UAP1: variants seen among roughly 807,000 people sequenced by gnomAD.
The protein encoded by UAP1 is UDP-N-acetylglucosamine pyrophosphorylase 1, also known as UDP-N-acetylhexosamine pyrophosphorylase.
UAP1 carries 25 observed loss-of-function variants against 58.5 expected under a neutral mutation model. The observed-to-expected ratio is 0.43, with a 90% CI of 0.31 to 0.60. UAP1 has a LOEUF of 0.60. Ranked by LOEUF, UAP1 falls within the 20% of genes least tolerant of loss-of-function variation. UAP1 has a pLI of 0.11. For synonymous variants in UAP1, 208 were observed against 213.0 expected, an observed-to-expected ratio of 0.98 and a Z score of 0.21; for missense variants, 575 against 630.0, an observed-to-expected ratio of 0.91 and a Z score of 0.93.
chr1:162,590,582 C>T (rs995127511), intron 8 of UAP1, 71 bp downstream of exon 8: 1 of 1,312,992 alleles, frequency 7.6e-7, no homozygotes, highest in South Asian at 1.6e-5. Context: ...CTCTCTCTCT[C>T]TCTCTCTCTG....
At chr1:162,599,449 A>C in exon 11 of UAP1, 1 of 843,660 alleles carries the variant, frequency 1.2e-6, no homozygotes, top group East Asian at 2.7e-5. Flanking sequence ...GTCTTGGACA[A>C]CTGAAGTTTA....
At chr1:162,582,037 A>G (rs2101792314) in intron 5 of UAP1, among the ~76,000 whole-genome samples, 1 of 152,326 alleles carries the variant, frequency 6.6e-6, no homozygotes, top group East Asian at 1.9e-4. Flanking sequence ...ACACGTTTTT[A>G]GTTGTATAGG....
At chr1:162,585,459 A>C (rs1335889183) in intron 5 of UAP1, among the ~76,000 whole-genome samples, 3 of 151,052 alleles carry the variant, frequency 2.0e-5, no homozygotes, top group African/African-American at 7.3e-5. Flanking sequence ...ATGGGGTTTC[A>C]CCATGTTGGC....
intron 7 of UAP1, among the ~76,000 whole-genome samples, chr1:162,590,055 T>G (rs2101824164): frequency 6.6e-6 from 1 of 150,448 alleles, no homozygotes; most frequent in South Asian, 2.1e-4. Flanking sequence ...CCAGAACAGA[T>G]ACTAATGTGA....
intron 2 of UAP1, among the ~76,000 whole-genome samples, 190 bp downstream of exon 2, chr1:162,566,538 G>A (rs778998927): frequency 6.6e-5 from 10 of 151,816 alleles, no homozygotes; most frequent in African/African-American, 9.7e-5. Context: ...GTCTTAATTT[G>A]CCTCCAGTCT....
chr1:162,587,435 A>C lies in UAP1; in HGVS notation c.835-40A>C, dbSNP rs1367964982. 4 of 1,527,544 alleles carry C rather than the reference A, an allele frequency of 2.6e-6. No homozygotes were observed. The South Asian group carries it at 4.9e-5, about 19-fold the overall frequency. The allele number at this position is 1,527,544 out of a possible 1,614,324, so 94.6% of individuals were successfully genotyped here. A position where few individuals can be genotyped will look rare whatever the true frequency, so the allele number is the denominator to read the frequency against. ...ATGGCAAATCTCCAAAGAAACATTT[A>C]ATTCAATTTCCTCCTCTACTGTTTT... is the stretch of plus-strand genomic sequence containing the variant. On this transcript the variant is annotated intron_variant, in intron 5 of 10. Transcript: ENST00000271469.
intron 1 of UAP1, among the ~76,000 whole-genome samples, chr1:162,562,700 T>A (rs753968638): frequency 1.9e-4 from 29 of 152,198 alleles, no homozygotes; most frequent in Middle Eastern, 3.2e-3. Context: ...AAGGCAGTTG[T>A]CTATTCCTTC....
chr1:162,591,208 AG>A (rs1655291982), intron 8 of UAP1, among the ~76,000 whole-genome samples: 3 of 152,056 alleles, frequency 2.0e-5, no homozygotes, highest in Non-Finnish European at 4.4e-5. Flanking sequence ...TACAGGTGTG[AG>A]CCACTGGGCC....
At chr1:162,600,543 A>G, downstream of UAP1, among the ~76,000 whole-genome samples, 1 of 152,176 alleles carries the variant, frequency 6.6e-6, no homozygotes, top group East Asian at 1.9e-4. Context: ...AAATGATTCT[A>G]AAAATTATAT....
downstream of UAP1, among the ~76,000 whole-genome samples, chr1:162,600,500 A>G (rs1458702171): frequency 1.3e-5 from 2 of 152,204 alleles, no homozygotes; most frequent in African/African-American, 2.4e-5. Context: ...ATATTTAAGT[A>G]TTGACCAAAA....
chr1:162,601,100 C>T (rs1000072010), downstream of UAP1, among the ~76,000 whole-genome samples: 5 of 152,042 alleles, frequency 3.3e-5, no homozygotes, highest in Non-Finnish European at 7.4e-5. Flanking sequence ...ACTCTGAGAG[C>T]CTCTGAGCCA....
chr1:162,563,368 T>A (rs34910227), intron 1 of UAP1, among the ~76,000 whole-genome samples: 5,794 of 152,050 alleles, frequency 0.038, 155 homozygotes, highest in East Asian at 0.11. Flanking sequence ...TTTTTTTTTT[T>A]ATTTTTATTT....
intron 2 of UAP1, among the ~76,000 whole-genome samples, chr1:162,573,621 T>C (rs996736796): frequency 7.9e-5 from 12 of 152,034 alleles, no homozygotes; most frequent in African/African-American, 2.7e-4. Flanking sequence ...ATATCAAAGG[T>C]GAAAATTATG....
Position 162,590,531 on chromosome 1 carries a change from C to T in UAP1, c.1358+20C>T, listed in dbSNP as rs754445981. The T allele has an allele frequency of 2.5e-6, 4 of 1,575,460 alleles. No individual in the cohort carries two copies. Among genetic ancestry groups the T allele is most frequent in the Non-Finnish European group, 2.6e-6 (3 of 1,160,014 alleles). ...TCCCCGGTAAGTCAGTATCTTTTCT[C>T]TTTTGTATGAATCCTTTCTTGGACT... On this transcript the variant is annotated intron_variant, in intron 8 of 10. Transcript: ENST00000271469.
chr1:162,573,269 T>TA lies in UAP1; in HGVS notation c.281-3498dup, dbSNP rs201954920. Among the ~76,000 whole-genome samples, 11 of 146,908 alleles carry TA rather than the reference T, an allele frequency of 7.5e-5. No homozygotes were observed. The South Asian group carries it at 1.3e-3, about 17-fold the overall frequency. ...ATTTAGGATGGTGGGTAAGACAGAC[T>TA]AAAAAAAAAAGGCAGCACAACCTCT... On this transcript the variant is annotated intron_variant, in intron 2 of 10. Coordinates refer to ENST00000271469, the Ensembl canonical transcript of UAP1.
At position 162,581,191 on chromosome 1, in the gene UAP1, G is replaced by T. The variant is rs1654564941; in HGVS notation, c.662-96G>T. The T allele has an allele frequency of 3.6e-6, 5 of 1,395,672 alleles. No homozygotes were observed. The African/African-American group carries it at 5.7e-5, about 16-fold the overall frequency. The allele number at this position is 1,395,672 out of a possible 1,614,324, so 86.5% of individuals were successfully genotyped here. On this transcript the variant is annotated intron_variant, in intron 4 of 10. Coordinates refer to ENST00000271469, the Ensembl canonical transcript of UAP1. ...TTCTTGCCTTTGTAAAGCGAATTTT[G>T]TTTTTTAGGGATCTTAACCCTAGTT...
At chr1:162,583,654 G>A (rs1654737589) in intron 5 of UAP1, among the ~76,000 whole-genome samples, 1 of 151,938 alleles carries the variant, frequency 6.6e-6, no homozygotes, top group Non-Finnish European at 1.5e-5. Flanking sequence ...TTATTTGACA[G>A]GGTCTGGCTC....
intron 7 of UAP1, among the ~76,000 whole-genome samples, chr1:162,590,100 T>C (rs1655205801): frequency 6.6e-6 from 1 of 152,058 alleles, no homozygotes; most frequent in African/African-American, 2.4e-5. Flanking sequence ...CTTTCCGACT[T>C]AAGATGAACT....
intron 8 of UAP1, among the ~76,000 whole-genome samples, chr1:162,591,789 CTT>C (rs879315624): frequency 5.8e-5 from 8 of 137,394 alleles, no homozygotes; most frequent in East Asian, 2.2e-4. Flanking sequence ...TCTGGCCAAT[CTT>C]TTTTTTTTTT....
Sources: allele counts gnomAD v4.1 joint callset (sites outside exome capture counted in the v4.1 genomes callset), GRCh38; gene constraint gnomAD v4.1.1; transcripts MANE v1.5; gene names NCBI Gene and HGNC (gene_info 2026-07-23, HGNC 2026-07-21).